The following AADAT variants were observed in gnomAD, a reference collection of about 807,000 sequenced individuals.
The protein encoded by AADAT is kynurenine/alpha-aminoadipate aminotransferase, mitochondrial.
A neutral mutation model predicts 56.2 loss-of-function variants in AADAT; 25 were observed. The observed-to-expected ratio is 0.44, with a 90% CI of 0.32 to 0.62. The LOEUF (loss-of-function observed/expected upper bound fraction) is 0.62, where lower values mean the gene tolerates loss of function less well. Ranked by LOEUF, AADAT falls within the 20% of genes least tolerant of loss-of-function variation. The pLI is 0.04. For synonymous variants in AADAT, 173 were observed against 164.7 expected, an observed-to-expected ratio of 1.05 and a Z score of -0.39; for missense variants, 387 against 510.5, an observed-to-expected ratio of 0.76 and a Z score of 2.33.
intron 4 of AADAT, among the ~76,000 whole-genome samples, chr4:170,076,753 G>A (rs569076768): frequency 4.6e-5 from 7 of 152,016 alleles, no homozygotes; most frequent in Admixed American, 2.0e-4. Flanking sequence ...TGTGGTTGTC[G>A]TTGCTCATAT....
Position 170,078,602 on chromosome 4 carries a change from G to T in AADAT, c.370-19C>A. On this transcript the variant is annotated intron_variant, in intron 3 of 12. Coordinates refer to ENST00000337664, the MANE Select transcript of AADAT (RefSeq NM_016228.4). ...CAAACACCTAACAAAAGAAGCATAGGTTAGCTTGTTAGTCAGCATAGGTTA... is the reference window on the plus strand; with the variant it reads ...CAAACACCTAACAAAAGAAGCATAGTTTAGCTTGTTAGTCAGCATAGGTTA... 1 of 1,560,930 alleles carries T rather than the reference G, an allele frequency of 6.4e-7. No individual in the cohort carries two copies. Among genetic ancestry groups the T allele is most frequent in the Non-Finnish European group, 8.8e-7 (1 of 1,139,272 alleles).
In AADAT at chr4:170,089,732, G is replaced by GAGGACTAGAA. The variant is rs1295579783; in HGVS notation, c.-52_-43dup. 1 of 1,607,830 alleles carries GAGGACTAGAA rather than the reference G, an allele frequency of 6.2e-7. No homozygotes were observed. The highest frequency in any genetic ancestry group is 1.3e-5 in the African/African-American group (1 of 74,772). On this transcript the variant is annotated 5_prime_UTR_variant, in exon 1 of 13. Coordinates refer to ENST00000337664, the MANE Select transcript of AADAT (RefSeq NM_016228.4). ...GCATCAAGCTTCTTCTTCAGTGGTTGAGGACTAGAAAAACCAAAGAGCCTC... is the reference window on the plus strand; with the variant it reads ...GCATCAAGCTTCTTCTTCAGTGGTTGAGGACTAGAAAGGACTAGAAAAACCAAAGAGCCTC...
At chr4:170,065,250 G>A (rs775508913) in intron 10 of AADAT, among the ~76,000 whole-genome samples, 11 of 152,128 alleles carry the variant, frequency 7.2e-5, no homozygotes, top group Non-Finnish European at 1.5e-4. Context: ...TAATAGTTTA[G>A]ATGTCCAGTG....
intron 3 of AADAT, among the ~76,000 whole-genome samples, chr4:170,079,018 G>A (rs1732169372): frequency 6.6e-6 from 1 of 152,168 alleles, no homozygotes; most frequent in South Asian, 2.1e-4. Flanking sequence ...TAAAGTGTCA[G>A]AGATAAAATA....
At chr4:170,080,144 C>G (rs907224571) in intron 3 of AADAT, among the ~76,000 whole-genome samples, 1 of 152,034 alleles carries the variant, frequency 6.6e-6, no homozygotes, top group Non-Finnish European at 1.5e-5. Context: ...TCATTCCCTC[C>G]CACAAAACCA....
intron 8 of AADAT, among the ~76,000 whole-genome samples, chr4:170,067,982 T>G (rs926059104): frequency 6.6e-6 from 1 of 151,628 alleles, no homozygotes; most frequent in Non-Finnish European, 1.5e-5. Flanking sequence ...CTACTAAAAA[T>G]ACAAAAATTA....
chr4:170,088,830 C>T (rs559173235), intron 1 of AADAT, among the ~76,000 whole-genome samples: 1 of 152,158 alleles, frequency 6.6e-6, no homozygotes, highest in South Asian at 2.1e-4. Flanking sequence ...TAAAAGAGGG[C>T]TGAGGGAATG....
chr4:170,084,451 T>C (rs949767784), intron 3 of AADAT, among the ~76,000 whole-genome samples: 6 of 152,170 alleles, frequency 3.9e-5, no homozygotes, highest in Admixed American at 3.3e-4. Context: ...TTGACAATCT[T>C]TGTAAATTAT....
chr4:170,066,474 T>C lies in AADAT; in HGVS notation c.967A>G (p.Ile323Val). 1 of 1,613,270 alleles carries C rather than the reference T, an allele frequency of 6.2e-7. No homozygotes were observed. The highest frequency in any genetic ancestry group is 8.5e-7 in the Non-Finnish European group (1 of 1,179,394). Residue 323 changes from isoleucine to valine, a missense_variant, in exon 10 of 13, where the codon ATT (isoleucine) becomes GTT (valine). By Grantham distance (29) the Ile-to-Val change is conservative. Coordinates refer to ENST00000337664, the MANE Select transcript of AADAT (RefSeq NM_016228.4). Reference protein sequence around the residue: ...EGFMAHVDRVIDFYSNQKDAI... With the variant: ...EGFMAHVDRVVDFYSNQKDAI... ...TCCTTCTGGTTACTATAGAAATCAATAACCCTAGAAAAAGAAAACAATGAA... is the reference window on the plus strand; with the variant it reads ...TCCTTCTGGTTACTATAGAAATCAACAACCCTAGAAAAAGAAAACAATGAA...
rs1465172942 is a variant in AADAT, at chr4:170,067,245, TA to T, written c.962+81del. On this transcript the variant is annotated intron_variant, in intron 9 of 12. Transcript: ENST00000337664. The stretch of plus-strand genomic sequence containing the variant: ...TCCGAGGATACTTAGGAAGGAAGAA[TA>T]AATCAATACTGTAGGTGATCTGTAC... The T allele has an allele frequency of 2.9e-6, 3 of 1,030,112 alleles. No individual in the cohort carries two copies. The East Asian group carries it at 7.4e-5, about 25-fold the overall frequency. 63.8% of individuals were successfully genotyped at this position (1,030,112 alleles called of 1,614,324 possible).
chr4:170,086,478 G>A (rs1271304246), intron 3 of AADAT, among the ~76,000 whole-genome samples: 2 of 151,922 alleles, frequency 1.3e-5, no homozygotes, highest in African/African-American at 4.8e-5. Context: ...CCAAGAGGGG[G>A]ACAAGATACA....
At chr4:170,092,478 C>CT, upstream of AADAT, among the ~76,000 whole-genome samples, 1 of 152,328 alleles carries the variant, frequency 6.6e-6, no homozygotes, top group East Asian at 1.9e-4. Flanking sequence ...TCAGAAGGAA[C>CT]AAACTCTGGA....
intron 6 of AADAT, among the ~76,000 whole-genome samples, chr4:170,069,964 G>A (rs1022235356): frequency 1.1e-4 from 17 of 152,060 alleles, no homozygotes; most frequent in Admixed American, 2.6e-4. Context: ...TCAGAAAAAA[G>A]TCATCATGAA....
chr4:170,088,661 A>T, intron 1 of AADAT, 97 bp from the exon 2 acceptor site: 1 of 1,292,258 alleles, frequency 7.7e-7, no homozygotes, highest in Non-Finnish European at 1.1e-6. Context: ...ATAAAGTTTA[A>T]CGATTTCTAG....
At chr4:170,088,352 T>C (rs1732662264) in intron 2 of AADAT, 44 bp downstream of exon 2, 1 of 1,515,188 alleles carries the variant, frequency 6.6e-7, no homozygotes, top group Admixed American at 1.9e-5. Flanking sequence ...GAATATTTCT[T>C]ATGAAAATAA....
intron 3 of AADAT, among the ~76,000 whole-genome samples, chr4:170,084,744 G>A (rs567182786): frequency 6.6e-6 from 1 of 152,166 alleles, no homozygotes; most frequent in South Asian, 2.1e-4. Flanking sequence ...ATGAGCTTTT[G>A]GCATCTTATG....
In AADAT at chr4:170,060,955, T is replaced by C. The variant is rs1264427735; in HGVS notation, c.1251A>G (p.Leu417=). Residue 417 remains leucine, a synonymous_variant, in exon 13 of 13, where the codon TTA becomes TTG. Coordinates refer to ENST00000337664, the MANE Select transcript of AADAT (RefSeq NM_016228.4). The part of the protein sequence containing the change: ...PEQMDVAFQV[L]AQLIKESL ...ATAAAGATTCTTTTATAAGTTGTGC[T>C]AATACCTGGAAGGCCTAAAACAGAA... 6.5e-7 allele frequency: 1 copy of C among 1,539,182 alleles called. No individual in the cohort carries two copies. Among genetic ancestry groups the C allele is most frequent in the Admixed American group, 2.0e-5 (1 of 50,090 alleles).
chr4:170,066,218 G>C (rs1420661095), intron 10 of AADAT, among the ~76,000 whole-genome samples, 196 bp downstream of exon 10: 1 of 151,904 alleles, frequency 6.6e-6, no homozygotes, highest in Non-Finnish European at 1.5e-5. Flanking sequence ...CAGCAGACAG[G>C]TAAAGTGGAT....
At chr4:170,063,200 G>A (rs1452210450) in intron 11 of AADAT, among the ~76,000 whole-genome samples, 1 of 152,142 alleles carries the variant, frequency 6.6e-6, no homozygotes, top group Non-Finnish European at 1.5e-5. Flanking sequence ...AAAAGTTCTG[G>A]GATGTACTAG....
Sources: allele counts gnomAD v4.1 joint callset (sites outside exome capture counted in the v4.1 genomes callset), GRCh38; gene constraint gnomAD v4.1.1; transcripts MANE v1.5; gene names NCBI Gene and HGNC (gene_info 2026-07-23, HGNC 2026-07-21).